Variants in EVI5 observed in about 807,000 individuals in gnomAD.
EVI5 encodes ecotropic viral integration site 5.
EVI5 carries 73 observed loss-of-function variants against 112.0 expected under a neutral mutation model. The observed-to-expected ratio is 0.65, with a 90% CI of 0.54 to 0.79. The LOEUF is 0.79. Ranked by LOEUF, EVI5 falls within the 30% of genes least tolerant of loss-of-function variation. The pLI is 0.00. For missense variants in EVI5, 900 were observed against 968.8 expected (o/e 0.93, Z 0.94); for synonymous variants, 305 against 319.9 (o/e 0.95, Z 0.50).
At chr1:92,520,509 G>A (rs1010731612) in intron 19 of EVI5, among the ~76,000 whole-genome samples, 1 of 152,092 alleles carries the variant, frequency 6.6e-6, no homozygotes, top group African/African-American at 2.4e-5. Flanking sequence ...TGAGGAGAAT[G>A]AAAAAGAGAT....
intron 19 of EVI5, among the ~76,000 whole-genome samples, chr1:92,523,377 T>A (rs920824191): frequency 6.6e-6 from 1 of 152,104 alleles, no homozygotes; most frequent in Non-Finnish European, 1.5e-5. Context: ...AAAGGATTTT[T>A]AAATAACAAC....
chr1:92,591,319 A>C (rs1321177772), intron 18 of EVI5, among the ~76,000 whole-genome samples: 6 of 152,210 alleles, frequency 3.9e-5, no homozygotes, highest in Non-Finnish European at 8.8e-5. Context: ...ACAGACTGGC[A>C]AATTGGATAG....
chr1:92,725,419 CA>C (rs1441606999), intron 2 of EVI5, among the ~76,000 whole-genome samples: 8 of 151,876 alleles, frequency 5.3e-5, no homozygotes, highest in Admixed American at 5.3e-4. Context: ...AACTGCATGC[CA>C]GAACAAAATT....
chr1:92,784,475 C>G (rs983083950), intron 1 of EVI5: 2 of 980,676 alleles, frequency 2.0e-6, no homozygotes, highest in Admixed American at 6.2e-5. Context: ...CAAAGGGAAC[C>G]GACTTCTGGC....
At chr1:92,730,918 A>G (rs1676362693) in intron 2 of EVI5, among the ~76,000 whole-genome samples, 1 of 152,182 alleles carries the variant, frequency 6.6e-6, no homozygotes, top group Non-Finnish European at 1.5e-5. Flanking sequence ...TTCACAGATG[A>G]TAGGCTCATC....
At chr1:92,774,827 C>A (rs373162446) in intron 1 of EVI5, among the ~76,000 whole-genome samples, 2 of 152,136 alleles carry the variant, frequency 1.3e-5, no homozygotes, top group African/African-American at 4.8e-5. Context: ...ACAGTACAAG[C>A]AGAGAAAGCT....
rs192896283 is a variant in EVI5 at position 92,559,320 on chromosome 1, C to T, written c.2166+4322G>A. 1.9e-3 allele frequency among the ~76,000 whole-genome samples: 295 copies of T among 152,318 alleles called. 1 individual carries two copies. Among genetic ancestry groups the T allele is most frequent in the African/African-American group, 6.9e-3 (286 of 41,568 alleles). Reference sequence around the variant, plus strand: ...GAGGACCAATTGCAATCTGACCTCACTTGCCTCTCTAATTTTATCTTATAC... The same window carrying T: ...GAGGACCAATTGCAATCTGACCTCATTTGCCTCTCTAATTTTATCTTATAC... On this transcript the variant is annotated intron_variant, in intron 19 of 19. Coordinates refer to ENST00000684568, the MANE Select transcript of EVI5 (RefSeq NM_001350197.2).
At chr1:92,616,680 C>T (rs151241120) in intron 16 of EVI5, among the ~76,000 whole-genome samples, 4 of 152,270 alleles carry the variant, frequency 2.6e-5, no homozygotes, top group East Asian at 1.9e-4. Flanking sequence ...GATTTTGGAG[C>T]GAGACCCTGC....
intron 19 of EVI5, among the ~76,000 whole-genome samples, chr1:92,546,241 T>C (rs182751881): frequency 1.1e-4 from 16 of 152,292 alleles, no homozygotes; most frequent in South Asian, 8.3e-4. Context: ...ACGAAGTGAA[T>C]TGGCATCCTA....
At chr1:92,612,161 G>A (rs777145407) in intron 16 of EVI5, among the ~76,000 whole-genome samples, 8 of 151,484 alleles carry the variant, frequency 5.3e-5, no homozygotes, top group Non-Finnish European at 8.8e-5. Context: ...TGTTCACCCA[G>A]GTAAGCATTT....
At chr1:92,592,456 C>G (rs535216356) in intron 18 of EVI5, among the ~76,000 whole-genome samples, 1 of 152,102 alleles carries the variant, frequency 6.6e-6, no homozygotes, top group Admixed American at 6.5e-5. Context: ...TAAATGCCCA[C>G]AAGAGAAAGC....
chr1:92,710,066 T>C (rs892031790), intron 2 of EVI5, among the ~76,000 whole-genome samples: 1 of 110,678 alleles, frequency 9.0e-6, no homozygotes, highest in African/African-American at 3.5e-5. Flanking sequence ...TGCACTGCCT[T>C]ACATGGATTT....
chr1:92,543,421 T>C (rs1665161175), intron 19 of EVI5, among the ~76,000 whole-genome samples: 2 of 152,248 alleles, frequency 1.3e-5, no homozygotes, highest in Admixed American at 6.5e-5. Context: ...GATTAGGCTT[T>C]GGCTTAAGAG....
chr1:92,619,824 C>T (rs184340919), intron 16 of EVI5, among the ~76,000 whole-genome samples: 2 of 151,662 alleles, frequency 1.3e-5, no homozygotes, highest in East Asian at 3.9e-4. Context: ...GTAAAGAATA[C>T]CTTCAGTTGG....
intron 13 of EVI5, among the ~76,000 whole-genome samples, chr1:92,638,944 T>A (rs1192231866): frequency 1.3e-5 from 2 of 152,178 alleles, no homozygotes; most frequent in East Asian, 3.8e-4. Context: ...AATGTTCTTG[T>A]ATTAAGAAAT....
At chr1:92,555,466 T>G (rs938479232) in intron 19 of EVI5, among the ~76,000 whole-genome samples, 3 of 152,200 alleles carry the variant, frequency 2.0e-5, no homozygotes, top group Non-Finnish European at 4.4e-5. Flanking sequence ...GAATGTTAAT[T>G]CTCTTCTTGA....
intron 10 of EVI5, among the ~76,000 whole-genome samples, chr1:92,673,537 G>GTC (rs1029747553): frequency 1.3e-5 from 2 of 151,748 alleles, no homozygotes; most frequent in African/African-American, 2.4e-5. Context: ...TTGCTATGTT[G>GTC]TCCAGGCTGG....
intron 19 of EVI5, among the ~76,000 whole-genome samples, chr1:92,518,042 T>C (rs1349180165): frequency 6.6e-6 from 1 of 151,998 alleles, no homozygotes; most frequent in Non-Finnish European, 1.5e-5. Flanking sequence ...GGACTACAGG[T>C]GCATGGCACC....
At chr1:92,518,850 G>GTA (rs952909038) in intron 19 of EVI5, among the ~76,000 whole-genome samples, 4 of 152,216 alleles carry the variant, frequency 2.6e-5, no homozygotes, top group African/African-American at 9.6e-5. Flanking sequence ...AACATGTTTT[G>GTA]TATAAAAGAT....
Sources: gnomAD v4.1 joint callset for allele counts (sites outside exome capture counted in the v4.1 genomes callset) on GRCh38, gnomAD v4.1.1 for gene constraint, MANE v1.5 for transcripts, NCBI Gene and HGNC (gene_info 2026-07-23, HGNC 2026-07-21) for gene names.